Variants in GRAMD1B observed in about 807,000 individuals in gnomAD.
The protein encoded by GRAMD1B is protein Aster-B.
GRAMD1B carries 37 observed loss-of-function variants against 99.7 expected under a neutral mutation model. That is an observed-to-expected ratio of 0.37 (90% CI 0.29 to 0.49). The LOEUF is 0.49. Ranked by LOEUF, GRAMD1B falls within the 20% of genes least tolerant of loss-of-function variation. The pLI is 0.98. For synonymous variants in GRAMD1B, 427 were observed against 387.6 expected, an observed-to-expected ratio of 1.10 and a Z score of -1.19; for missense variants, 888 against 1,009.2, an observed-to-expected ratio of 0.88 and a Z score of 1.63.
chr11:123,436,680 T>C (rs978518079), intron 1 of GRAMD1B, among the ~76,000 whole-genome samples: 2 of 152,196 alleles, frequency 1.3e-5, no homozygotes, highest in African/African-American at 2.4e-5. Context: ...GGTGAAGGCC[T>C]GGAGTCTTGC....
rs749434360 is a variant in GRAMD1B at position 123,613,612 on chromosome 11, C to T, written c.2181C>T (p.Thr727=). The change falls in exon 16 of 20, where the codon ACC becomes ACT. Residue 727 remains threonine (T), a synonymous_variant. Coordinates refer to ENST00000635736, the MANE Select transcript of GRAMD1B (RefSeq NM_001387025.1). The part of the protein sequence containing the change: ...PHLEEVMSPV[T]TPTDEDVGHR... ...TGGAAGAGGTGATGAGCCCGGTCAC[C>T]ACGCCCACAGATGAGGATGTGGGCC... 3 of 1,613,906 alleles carry T rather than the reference C, an allele frequency of 1.9e-6. No homozygotes were observed. Among genetic ancestry groups the T allele is most frequent in the Non-Finnish European group, 2.5e-6 (3 of 1,179,862 alleles).
At chr11:123,524,591 T>C (rs1942512682) in intron 2 of GRAMD1B, among the ~76,000 whole-genome samples, 1 of 152,130 alleles carries the variant, frequency 6.6e-6, no homozygotes, top group Non-Finnish European at 1.5e-5. Context: ...TCCGCCTCCT[T>C]GGGCTCCCAA....
At chr11:123,429,605 T>C (rs962892975), upstream of GRAMD1B, among the ~76,000 whole-genome samples, 11 of 152,246 alleles carry the variant, frequency 7.2e-5, no homozygotes, top group East Asian at 5.8e-4. The surrounding 1 kb of genome is among the most constrained non-coding windows in gnomAD (Gnocchi z 4.0). Flanking sequence ...ATTTCATTCT[T>C]TGCTAGGGAC....
chr11:123,479,748 A>G (rs1040717486), intron 1 of GRAMD1B, among the ~76,000 whole-genome samples: 1 of 152,180 alleles, frequency 6.6e-6, no homozygotes, highest in African/African-American at 2.4e-5. Flanking sequence ...CAGCTCTGAC[A>G]TGGTAGCAGG....
intron 2 of GRAMD1B, among the ~76,000 whole-genome samples, chr11:123,504,328 C>A (rs528392155): frequency 3.9e-5 from 6 of 152,318 alleles, no homozygotes; most frequent in African/African-American, 1.4e-4. Context: ...TTCAGAGAGT[C>A]CTTTCTCTCT....
In GRAMD1B at chr11:123,379,783, T is replaced by C. The variant is rs78515357; in HGVS notation, c.-176+20984T>C. Among the ~76,000 whole-genome samples the C allele has an allele frequency of 8.6e-3, 1,313 of 152,348 alleles. 29 individuals carry two copies. The highest frequency in any genetic ancestry group is 0.03 in the African/African-American group (1,249 of 41,590). On this transcript the variant is annotated intron_variant, in intron 1 of 20. Transcript: ENST00000638157. ...CTATTTTCCAAAGGACTGCACTATT[T>C]TACATTCAGTGTAAGTATATTGCAT...
rs566592844 is a variant in GRAMD1B at position 123,622,424 on chromosome 11, G to A, written c.2545-82G>A. The A allele has an allele frequency of 6.3e-5, 52 of 825,330 alleles. No individual in the cohort carries two copies. The East Asian group carries it at 8.3e-4, about 13-fold the overall frequency. 51.1% of individuals were successfully genotyped at this position (825,330 alleles called of 1,614,324 possible). A position where few individuals can be genotyped will look rare whatever the true frequency, so the allele number is the denominator to read the frequency against. On this transcript the variant is annotated intron_variant, in intron 19 of 19. Transcript: ENST00000635736. ...GCGTGGTTGGAGGCCTGCCCTAGGC[G>A]GGTGTGGGGAGAGGGCTGCTCGGTG...
At chr11:123,529,731 A>G (rs1943158511) in intron 2 of GRAMD1B, among the ~76,000 whole-genome samples, 2 of 152,314 alleles carry the variant, frequency 1.3e-5, no homozygotes, top group African/African-American at 4.8e-5. Flanking sequence ...TTGGTGACGC[A>G]AAGATAGTCC....
At chr11:123,429,346 G>A (rs2134156576), upstream of GRAMD1B, among the ~76,000 whole-genome samples, 1 of 152,230 alleles carries the variant, frequency 6.6e-6, no homozygotes, top group East Asian at 1.9e-4. The surrounding 1 kb of genome is among the most constrained non-coding windows in gnomAD (Gnocchi z 4.0). Flanking sequence ...GGATGGATCG[G>A]TTCTAGGGTT....
intron 1 of GRAMD1B, among the ~76,000 whole-genome samples, chr11:123,436,860 G>A (rs967909034): frequency 9.9e-5 from 15 of 152,012 alleles, no homozygotes; most frequent in African/African-American, 2.4e-4. Flanking sequence ...CCATTAACTC[G>A]TCATTTAACT....
At chr11:123,412,526 G>C (rs1014228871) in intron 1 of GRAMD1B, among the ~76,000 whole-genome samples, 1 of 152,096 alleles carries the variant, frequency 6.6e-6, no homozygotes, top group African/African-American at 2.4e-5. Flanking sequence ...TCATGCTCAG[G>C]TCTGCCTAAC....
chr11:123,563,174 C>T (rs546734356), intron 2 of GRAMD1B, among the ~76,000 whole-genome samples: 24 of 152,178 alleles, frequency 1.6e-4, no homozygotes, highest in Non-Finnish European at 2.8e-4. Flanking sequence ...TAGATTTGTT[C>T]TATGGCTCAC....
chr11:123,600,557 G>C lies in GRAMD1B; in HGVS notation c.1050+9G>C. The C allele has an allele frequency of 6.3e-7, 1 of 1,592,234 alleles. No individual in the cohort carries two copies. Among genetic ancestry groups the C allele is most frequent in the Non-Finnish European group, 8.6e-7 (1 of 1,161,060 alleles). ...ATGCTCTCCTTGAAAAGGTAAGTACGGCCGAGTTTGCTTTTACTGTGGGAC... is the reference window on the plus strand; with the variant it reads ...ATGCTCTCCTTGAAAAGGTAAGTACCGCCGAGTTTGCTTTTACTGTGGGAC... On this transcript the variant is annotated intron_variant, in intron 8 of 19. Coordinates refer to ENST00000635736, the MANE Select transcript of GRAMD1B (RefSeq NM_001387025.1).
At chr11:123,435,295 A>G (rs1243587739) in intron 1 of GRAMD1B, 1 of 629,444 alleles carries the variant, frequency 1.6e-6, no homozygotes, top group Non-Finnish European at 2.9e-6. Flanking sequence ...CAGGCTTGCT[A>G]TGAAATTCAG....
chr11:123,396,977 G>T (rs565378500), intron 1 of GRAMD1B, among the ~76,000 whole-genome samples: 1 of 152,076 alleles, frequency 6.6e-6, no homozygotes, highest in East Asian at 1.9e-4. Flanking sequence ...CTTCACTGGG[G>T]TATAATTTAC....
chr11:123,431,347 A>G (rs1948877851), intron 1 of GRAMD1B, among the ~76,000 whole-genome samples, 181 bp downstream of exon 1: 1 of 152,032 alleles, frequency 6.6e-6, no homozygotes, highest in Non-Finnish European at 1.5e-5. Flanking sequence ...CACGCGTGCC[A>G]CCCGCTCCCC....
chr11:123,430,571 G>C lies in GRAMD1B; in HGVS notation c.-222G>C. The C allele has an allele frequency of 4.4e-6, 2 of 454,806 alleles. No individual in the cohort carries two copies. Among genetic ancestry groups the C allele is most frequent in the Non-Finnish European group, 7.7e-6 (2 of 259,026 alleles). 28.2% of individuals were successfully genotyped at this position (454,806 alleles called of 1,614,324 possible). On this transcript the variant is annotated 5_prime_UTR_variant, in exon 1 of 20. Coordinates refer to ENST00000635736, the MANE Select transcript of GRAMD1B (RefSeq NM_001387025.1). ...CGGGTGGCCTCGCCGGCGGCTGACG[G>C]CCCGGAGGACGCGCGCTCCGAAAAG...
In GRAMD1B at chr11:123,559,693, T is replaced by TA. The variant is rs552006068; in HGVS notation, c.453-17672dup. 6.9e-5 allele frequency: 68 copies of TA among 984,810 alleles called. No individual in the cohort carries two copies. In the Admixed American group the frequency reaches 8.6e-4, roughly 12 times the overall value. The allele number at this position is 984,810 out of a possible 1,614,324, so 61.0% of individuals were successfully genotyped here. On this transcript the variant is annotated intron_variant, in intron 2 of 19. Coordinates refer to ENST00000635736, the MANE Select transcript of GRAMD1B (RefSeq NM_001387025.1). The stretch of plus-strand genomic sequence containing the variant: ...AGACGACTCTGCTTTGCCACGAATG[T>TA]AAGTGCTTTCCCTGAGTGTTACTCT...
intron 1 of GRAMD1B, among the ~76,000 whole-genome samples, chr11:123,384,587 G>A (rs1293214774): frequency 6.6e-6 from 1 of 152,200 alleles, no homozygotes; most frequent in Non-Finnish European, 1.5e-5. Flanking sequence ...CAGGAGAGCA[G>A]GGGTTTTATC....
Sources: allele counts gnomAD v4.1 joint callset (sites outside exome capture counted in the v4.1 genomes callset), GRCh38; gene constraint gnomAD v4.1.1; non-coding constraint Gnocchi (gnomAD v3.1); transcripts MANE v1.5; gene names NCBI Gene and HGNC (gene_info 2026-07-23, HGNC 2026-07-21).